Variants in BEND7 observed in about 807,000 individuals in gnomAD.
BEND7 encodes BEN domain-containing protein 7.
BEND7 carries 28 observed loss-of-function variants against 50.9 expected under a neutral mutation model. The ratio of observed to expected loss-of-function variants is 0.55; its 90% confidence interval spans 0.41 to 0.75. The LOEUF (loss-of-function observed/expected upper bound fraction) is 0.75. Among genes scored for constraint, BEND7 ranks in the 30% least tolerant of loss-of-function variants. BEND7 has a pLI of 0.00. For missense variants in BEND7, 477 were observed against 491.3 expected, an observed-to-expected ratio of 0.97 and a Z score of 0.28; for synonymous variants, 170 against 183.9, an observed-to-expected ratio of 0.92 and a Z score of 0.61.
At chr10:13,449,631 T>G (rs553082322) in intron 7 of BEND7, among the ~76,000 whole-genome samples, 58 of 152,374 alleles carry the variant, frequency 3.8e-4, no homozygotes, top group African/African-American at 1.4e-3. Context: ...TTTGGCAACT[T>G]TCTTTACATG....
rs868829892 is a variant in BEND7 at position 13,468,576 on chromosome 10, C to G, written c.1063+12323G>C. ...ACGAGATTTGGTTTTCTGGGTGTTACTAGGCTGTTAGGATACATTAGGAAC... is the reference window on the plus strand; with the variant it reads ...ACGAGATTTGGTTTTCTGGGTGTTAGTAGGCTGTTAGGATACATTAGGAAC... On this transcript the variant is annotated intron_variant, in intron 6 of 8. Coordinates refer to ENST00000466271, the MANE Select transcript of BEND7 (RefSeq NM_001369863.1). Among the ~76,000 whole-genome samples the G allele has an allele frequency of 7.9e-5, 12 of 152,256 alleles. No homozygotes were observed. In the South Asian group the frequency reaches 2.5e-3, roughly 32 times the overall value.
upstream of BEND7, among the ~76,000 whole-genome samples, chr10:13,529,234 A>T (rs2079584245): frequency 6.9e-6 from 1 of 144,226 alleles, no homozygotes; most frequent in Non-Finnish European, 1.5e-5. Flanking sequence ...GCCCCCGGGG[A>T]CGACGCCGCC....
At chr10:13,459,202 T>C (rs7922720) in intron 6 of BEND7, among the ~76,000 whole-genome samples, 69,130 of 151,776 alleles carry the variant, frequency 0.46, 16,328 homozygotes, top group East Asian at 0.79. Context: ...CCTCACAAAA[T>C]AGAAGCATGG....
rs78606639 is a variant in BEND7, at chr10:13,506,287, T to C, written c.146-6207A>G. ...TCCTGCCTTCCCTGTTGGCCCCGCATGAAAATTATTCATTCTCCCTTCCTT... is the reference window on the plus strand; with the variant it reads ...TCCTGCCTTCCCTGTTGGCCCCGCACGAAAATTATTCATTCTCCCTTCCTT... On this transcript the variant is annotated intron_variant, in intron 2 of 8. Coordinates refer to ENST00000466271, the MANE Select transcript of BEND7 (RefSeq NM_001369863.1). Among the ~76,000 whole-genome samples, 92 of 152,308 alleles carry C rather than the reference T, an allele frequency of 6.0e-4. No individual in the cohort carries two copies. In the East Asian group the frequency reaches 0.013, roughly 21 times the overall value.
Position 13,492,640 on chromosome 10 carries a change from C to T in BEND7, c.808G>A (p.Gly270Ser), listed in dbSNP as rs773259759. 8.1e-6 allele frequency: 13 copies of T among 1,613,964 alleles called. No homozygotes were observed. Among genetic ancestry groups the T allele is most frequent in the East Asian group, 6.7e-5 (3 of 44,900 alleles). Residue 270 changes from glycine to serine, a missense_variant, in exon 5 of 9, where the codon GGC becomes AGC. By Grantham distance (56) the Gly-to-Ser change is moderately conservative. This residue lies in a region of BEND7 where 396 missense variants were observed against 384.2 expected (regional missense o/e 1.03). Coordinates refer to ENST00000466271, the MANE Select transcript of BEND7 (RefSeq NM_001369863.1). ...SPEESRVLGF[G>S]IVLESPSSDP... is the part of the protein sequence containing the mutation. ...GAGGAAGGTGATTCCAGAACAATGC[C>T]GAATCCTAGAACGCGGCTCTCCTCC...
At chr10:13,488,489 C>A (rs1308975866) in intron 5 of BEND7, among the ~76,000 whole-genome samples, 2 of 151,826 alleles carry the variant, frequency 1.3e-5, no homozygotes, top group African/African-American at 4.8e-5. Flanking sequence ...ACTGTATTTT[C>A]TTTTTTTCTT....
intron 5 of BEND7, among the ~76,000 whole-genome samples, chr10:13,490,582 T>C (rs1480571385): frequency 1.3e-5 from 2 of 152,242 alleles, no homozygotes; most frequent in Admixed American, 6.5e-5. Context: ...CGGCTATCTC[T>C]ATCTTTCTGT....
At chr10:13,492,264 T>C (rs975701944) in intron 5 of BEND7, among the ~76,000 whole-genome samples, 4 of 152,226 alleles carry the variant, frequency 2.6e-5, no homozygotes, top group Admixed American at 2.0e-4. Context: ...TGTTCATTTA[T>C]GCCCATCTAC....
At chr10:13,484,325 G>A (rs1326254590) in intron 5 of BEND7, among the ~76,000 whole-genome samples, 1 of 152,244 alleles carries the variant, frequency 6.6e-6, no homozygotes, top group Non-Finnish European at 1.5e-5. Flanking sequence ...GAAACATGAA[G>A]AAAAGATGAC....
At chr10:13,507,423 A>T (rs984605727) in intron 2 of BEND7, among the ~76,000 whole-genome samples, 1 of 152,158 alleles carries the variant, frequency 6.6e-6, no homozygotes, top group Non-Finnish European at 1.5e-5. Flanking sequence ...CTACCGCTAC[A>T]CTATTACACT....
intron 6 of BEND7, among the ~76,000 whole-genome samples, chr10:13,454,317 T>C (rs1280295731): frequency 1.3e-5 from 2 of 152,146 alleles, no homozygotes; most frequent in Non-Finnish European, 2.9e-5. Flanking sequence ...TTCAAGTCCC[T>C]GATACAGGCC....
intron 2 of BEND7, among the ~76,000 whole-genome samples, chr10:13,520,223 G>A (rs2078989432): frequency 6.6e-6 from 1 of 152,156 alleles, no homozygotes; most frequent in Non-Finnish European, 1.5e-5. Context: ...GCTGGTCTCA[G>A]TGTTAAATGA....
At chr10:13,451,010 TATAATA>T (rs1173546153) in intron 7 of BEND7, among the ~76,000 whole-genome samples, 2 of 151,876 alleles carry the variant, frequency 1.3e-5, no homozygotes, top group African/African-American at 4.8e-5. Flanking sequence ...GACCAGAACT[TATAATA>T]ATCGGTCTCA....
intron 6 of BEND7, among the ~76,000 whole-genome samples, chr10:13,458,436 ATGT>A: frequency 6.6e-6 from 1 of 152,342 alleles, no homozygotes; most frequent in South Asian, 2.1e-4. Context: ...GAAAAGAAGA[ATGT>A]GGCATGGACT....
chr10:13,439,329 G>C (rs776695134), downstream of BEND7: 1 of 1,614,050 alleles, frequency 6.2e-7, no homozygotes, highest in African/African-American at 1.3e-5. Context: ...CAAAGCTCCT[G>C]TTTCAGCTCT....
intron 2 of BEND7, among the ~76,000 whole-genome samples, chr10:13,507,070 C>A (rs1286193636): frequency 1.3e-5 from 2 of 152,102 alleles, no homozygotes; most frequent in African/African-American, 4.8e-5. Context: ...GCTGGCCCCT[C>A]TGGACTGAGT....
chr10:13,468,324 G>C (rs2074457610), intron 6 of BEND7, among the ~76,000 whole-genome samples: 1 of 152,168 alleles, frequency 6.6e-6, no homozygotes, highest in Admixed American at 6.5e-5. Context: ...AGTCAGGCTT[G>C]TCTATAAAGA....
At chr10:13,521,176 C>G (rs1274624125) in intron 2 of BEND7, among the ~76,000 whole-genome samples, 8 of 152,028 alleles carry the variant, frequency 5.3e-5, no homozygotes, top group Non-Finnish European at 1.0e-4. Context: ...GCTCTGCTCC[C>G]CTTTGATCTG....
chr10:13,457,375 C>T (rs947961572), intron 6 of BEND7, among the ~76,000 whole-genome samples: 2 of 152,092 alleles, frequency 1.3e-5, no homozygotes, highest in African/African-American at 4.8e-5. Flanking sequence ...AAAGGGCAGC[C>T]GTGTCTGGTT....
Sources: allele counts gnomAD v4.1 joint callset (sites outside exome capture counted in the v4.1 genomes callset), GRCh38; gene constraint gnomAD v4.1.1; regional missense constraint gnomAD v4.1.1; transcripts MANE v1.5; gene names NCBI Gene and HGNC (gene_info 2026-07-23, HGNC 2026-07-21).